Variants in CHMP3 observed in about 807,000 individuals in gnomAD.
CHMP3 encodes the protein 25.1 protein.
Under a neutral mutation model 27.4 loss-of-function variants are expected in CHMP3, and 8 were observed. That is an observed-to-expected ratio of 0.29 (90% CI 0.17 to 0.53). The LOEUF is 0.53. Among genes scored for constraint, CHMP3 ranks in the 20% least tolerant of loss-of-function variants. The pLI is 0.96. For missense variants in CHMP3, 208 were observed against 271.5 expected, an observed-to-expected ratio of 0.77 and a Z score of 1.64; for synonymous variants, 86 against 85.5, an observed-to-expected ratio of 1.01 and a Z score of -0.03.
rs1331954789 is a variant in CHMP3, at chr2:86,505,414, G to C, written c.*390C>G. On this transcript the variant is annotated 3_prime_UTR_variant, in exon 6 of 6. Transcript: ENST00000263856. ...ATCTGGGGCAGCCGACACCTTGAAA[G>C]TTTACTGCACAGGGCAATCTACAAT... 2 of 156,076 alleles carry C rather than the reference G, an allele frequency of 1.3e-5. No individual in the cohort carries two copies. Among genetic ancestry groups the C allele is most frequent in the Admixed American group, 6.5e-5 (1 of 15,358 alleles). The allele number at this position is 156,076 out of a possible 1,614,324, so 9.7% of individuals were successfully genotyped here. A position where few individuals can be genotyped will look rare whatever the true frequency, so the allele number is the denominator to read the frequency against.
chr2:86,556,241 C>T (rs913358639), intron 1 of CHMP3, among the ~76,000 whole-genome samples: 2 of 152,208 alleles, frequency 1.3e-5, no homozygotes, highest in African/African-American at 4.8e-5. Context: ...CTACGTAGCT[C>T]CTCTCCTGGA....
intron 1 of CHMP3, among the ~76,000 whole-genome samples, chr2:86,544,928 C>T (rs1307844180): frequency 1.4e-5 from 2 of 144,802 alleles, no homozygotes; most frequent in African/African-American, 2.6e-5. Flanking sequence ...ACGGGGCAGC[C>T]GGGCAGAGAC....
chr2:86,528,106 A>G (rs1438149402), intron 3 of CHMP3, among the ~76,000 whole-genome samples: 1 of 152,164 alleles, frequency 6.6e-6, no homozygotes, highest in East Asian at 1.9e-4. Flanking sequence ...CTAATGATAC[A>G]TTCATGGTTA....
chr2:86,546,703 G>T (rs1403765897), intron 1 of CHMP3, among the ~76,000 whole-genome samples: 3 of 152,144 alleles, frequency 2.0e-5, no homozygotes, highest in African/African-American at 4.8e-5. Context: ...CTCCCAAAGT[G>T]CTGGGATTAA....
chr2:86,537,288 GTTA>G (rs1558654501), intron 2 of CHMP3, among the ~76,000 whole-genome samples: 2 of 152,092 alleles, frequency 1.3e-5, no homozygotes, highest in East Asian at 3.9e-4. Flanking sequence ...TTTCACTTCA[GTTA>G]TTGTACTTTT....
intron 1 of CHMP3, among the ~76,000 whole-genome samples, chr2:86,546,908 A>G (rs1420043355): frequency 6.6e-6 from 1 of 152,120 alleles, no homozygotes; most frequent in Admixed American, 6.5e-5. Flanking sequence ...GGATTTGCAA[A>G]TATTTTCTCC....
Position 86,557,049 on chromosome 2 carries a change from A to G in CHMP3, c.45+6255T>C, listed in dbSNP as rs905270016. On this transcript the variant is annotated intron_variant, in intron 1 of 5. Transcript: ENST00000263856. ...TTAAGTTTACAATTTTGCTGAGGAC[A>G]CAAAGCAGAAGAGAAAAATATTCTT... 2.6e-5 allele frequency among the ~76,000 whole-genome samples: 4 copies of G among 152,356 alleles called. 1 individual carries two copies.
chr2:86,560,081 C>T (rs995282944), intron 1 of CHMP3, among the ~76,000 whole-genome samples: 27 of 152,070 alleles, frequency 1.8e-4, no homozygotes, highest in Middle Eastern at 3.2e-3. Flanking sequence ...CTGGCTAACA[C>T]GGTGAAACTC....
At chr2:86,544,048 C>T (rs149902278) in intron 1 of CHMP3, among the ~76,000 whole-genome samples, 59 of 152,334 alleles carry the variant, frequency 3.9e-4, no homozygotes, top group African/African-American at 1.4e-3. Flanking sequence ...TGAAAGGAAT[C>T]ACACAATGTG....
intron 2 of CHMP3, among the ~76,000 whole-genome samples, chr2:86,532,869 A>G (rs547378833): frequency 2.0e-5 from 3 of 152,238 alleles, no homozygotes; most frequent in Non-Finnish European, 4.4e-5. Context: ...ACCAATGTTC[A>G]TAAGAGACAC....
chr2:86,512,279 C>T (rs975248180), intron 3 of CHMP3: 10 of 152,196 alleles, frequency 6.6e-5, no homozygotes, highest in African/African-American at 2.4e-4. Context: ...GTTCGTTCTC[C>T]GTTGCCCTTC....
intron 2 of CHMP3, among the ~76,000 whole-genome samples, chr2:86,537,126 A>G (rs1676179713): frequency 6.6e-6 from 1 of 152,124 alleles, no homozygotes. Context: ...CAGCCTCCCA[A>G]AGTGTTGGGA....
intron 1 of CHMP3, among the ~76,000 whole-genome samples, chr2:86,546,950 C>T (rs891370392): frequency 6.6e-6 from 1 of 152,038 alleles, no homozygotes; most frequent in Admixed American, 6.6e-5. Flanking sequence ...TCAATAATGT[C>T]CTTTGAAACA....
intron 2 of CHMP3, among the ~76,000 whole-genome samples, chr2:86,534,196 C>CTTTTTTTT (rs33977886): frequency 3.7e-4 from 25 of 66,940 alleles, no homozygotes; most frequent in Non-Finnish European, 5.4e-4. Context: ...TGCTTTATTT[C>CTTTTTTTT]TTTTTTTTTT....
Position 86,529,319 on chromosome 2 carries a change from A to C in CHMP3, c.185T>G (p.Val62Gly). 1 of 1,613,710 alleles carries C rather than the reference A, an allele frequency of 6.2e-7. No homozygotes were observed. The change falls in exon 3 of 6, where the codon GTT (valine) becomes GGT (glycine). Residue 62 changes from valine to glycine, a missense_variant. By Grantham distance (109) the Val-to-Gly change is moderately radical. Coordinates refer to ENST00000263856, the MANE Select transcript of CHMP3 (RefSeq NM_016079.4). ...AKKGQKDVCIVLAKEMIRSRK... is the reference protein window; with the variant it reads ...AKKGQKDVCIGLAKEMIRSRK... The stretch of plus-strand genomic sequence containing the variant: ...TGACCTGATCATCTCCTTGGCCAGA[A>C]CTATGCAGACATCCTTCTGGCCCTT...
In CHMP3 at chr2:86,507,417, T is replaced by G. The variant is rs111425261; in HGVS notation, c.523+62A>C. On this transcript the variant is annotated intron_variant, in intron 5 of 5. Coordinates refer to ENST00000263856, the MANE Select transcript of CHMP3 (RefSeq NM_016079.4). Reference sequence around the variant, plus strand: ...CTAAAGAAAAAGCTACTAGCTAATTTAGTGAATGAAGGAAGAATGGCCATA... The same window carrying G: ...CTAAAGAAAAAGCTACTAGCTAATTGAGTGAATGAAGGAAGAATGGCCATA... The G allele has an allele frequency of 3.5e-4, 501 of 1,443,302 alleles. 1 individual carries two copies. In the African/African-American group the frequency reaches 5.9e-3, roughly 17 times the overall value. The allele number at this position is 1,443,302 out of a possible 1,614,324, so 89.4% of individuals were successfully genotyped here.
intron 2 of CHMP3, among the ~76,000 whole-genome samples, chr2:86,532,165 C>A (rs1475886036): frequency 1.3e-5 from 2 of 152,036 alleles, no homozygotes; most frequent in African/African-American, 2.4e-5. Flanking sequence ...AAGTCTTTTG[C>A]CTCCTTGGTT....
chr2:86,529,744 C>T (rs1320396983), intron 2 of CHMP3, among the ~76,000 whole-genome samples: 1 of 152,088 alleles, frequency 6.6e-6, no homozygotes, highest in South Asian at 2.1e-4. Flanking sequence ...TATACAGTCA[C>T]CAATCATTTC....
intron 3 of CHMP3, chr2:86,510,703 A>C (rs941994891): frequency 1.9e-6 from 1 of 521,146 alleles, no homozygotes; most frequent in Non-Finnish European, 3.2e-6. Flanking sequence ...CATGCACACC[A>C]CATGACCAAT....
Sources: gnomAD v4.1 joint callset for allele counts (sites outside exome capture counted in the v4.1 genomes callset) on GRCh38, gnomAD v4.1.1 for gene constraint, MANE v1.5 for transcripts, NCBI Gene and HGNC (gene_info 2026-07-23, HGNC 2026-07-21) for gene names.